The following C1orf116 variants were observed in gnomAD, a reference collection of about 807,000 sequenced individuals.
The protein encoded by C1orf116 is specifically androgen-regulated gene protein.
Under a neutral mutation model 14.1 loss-of-function variants are expected in C1orf116, and 12 were observed. That is an observed-to-expected ratio of 0.85 (90% CI 0.54 to 1.38). The LOEUF (loss-of-function observed/expected upper bound fraction) is 1.38, where lower values mean the gene tolerates loss of function less well. Among genes scored for constraint, C1orf116 ranks in the 40% most tolerant of loss-of-function variants. The pLI is 0.00. For synonymous variants in C1orf116, 296 were observed against 299.0 expected, an observed-to-expected ratio of 0.99 and a Z score of 0.10; for missense variants, 797 against 747.0, an observed-to-expected ratio of 1.07 and a Z score of -0.78.
chr1:207,026,908 G>A (rs1026656341), intron 2 of C1orf116, among the ~76,000 whole-genome samples: 1 of 152,158 alleles, frequency 6.6e-6, no homozygotes, highest in Admixed American at 6.5e-5. Flanking sequence ...TTTCTATATA[G>A]AGGCATATGC....
chr1:207,029,139 A>G (rs1682171211), intron 1 of C1orf116, among the ~76,000 whole-genome samples: 1 of 151,974 alleles, frequency 6.6e-6, no homozygotes, highest in African/African-American at 2.4e-5. Context: ...TGGAGCCCCA[A>G]GGAGCTCCTC....
intron 2 of C1orf116, among the ~76,000 whole-genome samples, chr1:207,027,031 C>G (rs1572697315): frequency 6.6e-6 from 1 of 152,288 alleles, no homozygotes; most frequent in East Asian, 1.9e-4. Flanking sequence ...AAGTAATTTG[C>G]CCAAGGTCAT....
At chr1:207,024,834 C>A in intron 3 of C1orf116, 53 bp downstream of exon 3, 1 of 1,586,864 alleles carries the variant, frequency 6.3e-7, no homozygotes. Context: ...CCGGAGGGGA[C>A]ATATTGATTT....
Position 207,024,967 on chromosome 1 carries a change from C to A in C1orf116, c.203G>T (p.Gly68Val), listed in dbSNP as rs201465889. 1.9e-6 allele frequency: 3 copies of A among 1,614,008 alleles called. No homozygotes were observed. The East Asian group carries it at 6.7e-5, about 36-fold the overall frequency. Residue 68 changes from glycine (G) to valine (V), a missense_variant, in exon 3 of 4, where the codon GGA becomes GTA. Transcript: ENST00000359470. ...TGGCTCAGACTCGTCAGTGGACAGT[C>A]CGCTGTCAGCCTCCGTGTCCAGTGA... ...IGSLDTEADS[G>V]LSTDESEPAT...
Position 207,022,604 on chromosome 1 carries a change from G to A in C1orf116, c.1160C>T (p.Ala387Val). 1 of 1,614,236 alleles carries A rather than the reference G, an allele frequency of 6.2e-7. No individual in the cohort carries two copies. The highest frequency in any genetic ancestry group is 8.5e-7 in the Non-Finnish European group (1 of 1,180,050). ...AGCTGCAGGCTGAGCCAGACCTGGA[G>A]CTGGGGACAGATGCTGGGCCCGTGT... Reference protein sequence around the residue: ...KETRAQHLSPAPGLAQPAAPA... With the variant: ...KETRAQHLSPVPGLAQPAAPA... The change falls in exon 4 of 4, where the codon GCT (alanine) becomes GTT (valine). Residue 387 changes from alanine to valine, a missense_variant. Transcript: ENST00000359470.
At chr1:207,032,513 T>C (rs1682277943) in intron 1 of C1orf116, 66 bp downstream of exon 1, 3 of 971,274 alleles carry the variant, frequency 3.1e-6, no homozygotes, top group Non-Finnish European at 3.7e-6. Context: ...CCTGTAGCTC[T>C]GATTTCCCAT....
intron 2 of C1orf116, 135 bp downstream of exon 2, chr1:207,027,359 G>A (rs939700229): frequency 8.8e-7 from 1 of 1,142,822 alleles, no homozygotes; most frequent in Admixed American, 2.1e-5. Context: ...ACCCACTGGT[G>A]TTGTGAATCA....
Position 207,024,337 on chromosome 1 carries a change from C to T in C1orf116, c.283+550G>A, listed in dbSNP as rs143620218. On this transcript the variant is annotated intron_variant, in intron 3 of 3. Transcript: ENST00000359470. The stretch of plus-strand genomic sequence containing the variant: ...CCTCAGGAGTAAAAGGTTTCTCACA[C>T]CCTGGGACATGTGGCCCCACAGTCA... 1.2e-3 allele frequency among the ~76,000 whole-genome samples: 184 copies of T among 152,350 alleles called. 1 individual carries two copies. Among genetic ancestry groups the T allele is most frequent in the African/African-American group, 4.3e-3 (178 of 41,576 alleles).
At position 207,023,083 on chromosome 1, in the gene C1orf116, T is replaced by C; in HGVS notation, c.681A>G (p.Thr227=). 1 of 1,611,646 alleles carries C rather than the reference T, an allele frequency of 6.2e-7. No homozygotes were observed. Among genetic ancestry groups the C allele is most frequent in the Non-Finnish European group, 8.5e-7 (1 of 1,179,630 alleles). The change falls in exon 4 of 4, where the codon ACA becomes ACG. Residue 227 remains threonine (T), a synonymous_variant. Transcript: ENST00000359470. ...LPEGPGQQGH[T]PQLHTPSSSQ... ...AGCTGGATGGTGTGTGGAGCTGGGG[T>C]GTGTGGCCCTGCTGTCCTGGCCCCT... is the stretch of plus-strand genomic sequence containing the variant.
intron 1 of C1orf116, among the ~76,000 whole-genome samples, chr1:207,030,395 A>G (rs974347572): frequency 6.6e-5 from 10 of 151,312 alleles, no homozygotes; most frequent in Non-Finnish European, 1.3e-4. Flanking sequence ...AAGCCTTAAA[A>G]CCCCCTTCTC....
intron 1 of C1orf116, among the ~76,000 whole-genome samples, chr1:207,031,725 AGCCACCACCCTGGTCT>A (rs1682251023): frequency 1.3e-5 from 2 of 152,142 alleles, no homozygotes; most frequent in Admixed American, 6.5e-5. Context: ...AAACAAACAA[AGCCACCACCCTGGTCT>A]GCTTCTCTGT....
chr1:207,028,462 T>C (rs1288019110), intron 1 of C1orf116, among the ~76,000 whole-genome samples: 1 of 152,210 alleles, frequency 6.6e-6, no homozygotes, highest in Non-Finnish European at 1.5e-5. Flanking sequence ...CATCTTTAAC[T>C]CCCTAGCCTG....
Position 207,023,336 on chromosome 1 carries a change from C to T in C1orf116, c.428G>A (p.Ser143Asn), listed in dbSNP as rs773900822. ...SLPRNIHIAR[S>N]QNFRKSTTQA... ...GGTGGTGCTTTTCCTGAAGTTCTGGCTTCTGGCAATGTGGATATTCCTAGG... is the reference window on the plus strand; with the variant it reads ...GGTGGTGCTTTTCCTGAAGTTCTGGTTTCTGGCAATGTGGATATTCCTAGG... Residue 143 changes from serine to asparagine, a missense_variant, in exon 4 of 4, where the codon AGC becomes AAC. Ser to Asn is a conservative substitution (Grantham distance 46). Coordinates refer to ENST00000359470, the MANE Select transcript of C1orf116 (RefSeq NM_023938.6). 1 of 1,614,180 alleles carries T rather than the reference C, an allele frequency of 6.2e-7. No homozygotes were observed. Among genetic ancestry groups the T allele is most frequent in the South Asian group, 1.1e-5 (1 of 91,076 alleles).
At position 207,022,091 on chromosome 1, in the gene C1orf116, C is replaced by T. The variant is rs540479951; in HGVS notation, c.1673G>A (p.Arg558His). ...ACGGCTCTGTCCTTGGTAGGACAGG[C>T]GCTTGGAGCTCTGCTCCTGCTCCAG... ...ADLEQEQSSK[R>H]LSYQGQSRDK... The change falls in exon 4 of 4, where the codon CGC (arginine) becomes CAC (histidine). Residue 558 changes from arginine to histidine, a missense_variant. Arg to His is a conservative substitution (Grantham distance 29, BLOSUM62 0). Transcript: ENST00000359470. 5.5e-5 allele frequency: 88 copies of T among 1,612,194 alleles called. No homozygotes were observed. Among genetic ancestry groups the T allele is most frequent in the Admixed American group, 6.7e-5 (4 of 59,856 alleles).
rs905860787 is a variant in C1orf116, at chr1:207,018,607, T to G, written c.*3351A>C. ...TATCACTTATTTATCTCAACAATCT[T>G]GAAAGGGTGGTATTATTTTCCCCGT... On this transcript the variant is annotated 3_prime_UTR_variant, in exon 4 of 4. Coordinates refer to ENST00000359470, the MANE Select transcript of C1orf116 (RefSeq NM_023938.6). 1 of 152,192 alleles carries G rather than the reference T, an allele frequency of 6.6e-6. No homozygotes were observed. The highest frequency in any genetic ancestry group is 6.5e-5 in the Admixed American group (1 of 15,282). The allele number at this position is 152,192 out of a possible 1,614,324, so 9.4% of individuals were successfully genotyped here.
intron 1 of C1orf116, 99 bp downstream of exon 1, chr1:207,032,480 G>T (rs1682277125): frequency 2.5e-6 from 2 of 785,302 alleles, no homozygotes; most frequent in Non-Finnish European, 3.1e-6. Flanking sequence ...CCTAGCTGGG[G>T]TATAGAGGGA....
rs779649781 is a variant in C1orf116, at chr1:207,027,568, T to C, written c.31A>G (p.Thr11Ala). The C allele has an allele frequency of 1.2e-6, 2 of 1,613,204 alleles. No individual in the cohort carries two copies. Among genetic ancestry groups the C allele is most frequent in the Non-Finnish European group, 1.7e-6 (2 of 1,180,020 alleles). MPERELWPAG[T>A]GSEPVTRVGS... is the part of the protein sequence containing the mutation. The stretch of plus-strand genomic sequence containing the variant: ...ACACGGGTCACGGGTTCTGAGCCAG[T>C]CCCCGCTGGCCACAGCTCCCTCTCG... The change falls in exon 2 of 4, where the codon ACT becomes GCT. Residue 11 changes from threonine to alanine, a missense_variant. Transcript: ENST00000359470.
rs560682403 is a variant in C1orf116, at chr1:207,027,265, G to A, written c.105+229C>T. ...AACCCCCAACCTAATGAAAATCGGCGGAAAAAGTCTCATTTGCCCAGTTGC... is the reference window on the plus strand; with the variant it reads ...AACCCCCAACCTAATGAAAATCGGCAGAAAAAGTCTCATTTGCCCAGTTGC... On this transcript the variant is annotated intron_variant, in intron 2 of 3. Coordinates refer to ENST00000359470, the MANE Select transcript of C1orf116 (RefSeq NM_023938.6). 1.4e-3 allele frequency among the ~76,000 whole-genome samples: 211 copies of A among 152,196 alleles called. 1 individual carries two copies. Among genetic ancestry groups the A allele is most frequent in the African/African-American group, 4.8e-3 (200 of 41,530 alleles).
At chr1:207,028,266 G>T (rs569347552) in intron 1 of C1orf116, among the ~76,000 whole-genome samples, 2 of 152,252 alleles carry the variant, frequency 1.3e-5, no homozygotes, top group South Asian at 4.1e-4. Context: ...AGAGAAACAG[G>T]ATCTCAGAAA....
Sources: gnomAD v4.1 joint callset for allele counts (sites outside exome capture counted in the v4.1 genomes callset) on GRCh38, gnomAD v4.1.1 for gene constraint, MANE v1.5 for transcripts, NCBI Gene and HGNC (gene_info 2026-07-23, HGNC 2026-07-21) for gene names.